LDLRAD4: variants seen among roughly 807,000 people sequenced by gnomAD.
LDLRAD4 encodes low density lipoprotein receptor class A domain containing 4.
LDLRAD4 carries 5 observed loss-of-function variants against 17.0 expected under a neutral mutation model. The ratio of observed to expected loss-of-function variants is 0.29; its 90% CI spans 0.15 to 0.62. The LOEUF is 0.62. Ranked by LOEUF, LDLRAD4 falls within the 20% of genes least tolerant of loss-of-function variation. LDLRAD4 has a pLI of 0.84. For synonymous variants in LDLRAD4, 168 were observed against 171.8 expected (o/e 0.98, Z 0.17); for missense variants, 340 against 424.7 (o/e 0.80, Z 1.75).
intron 1 of LDLRAD4, among the ~76,000 whole-genome samples, chr18:13,283,268 C>T (rs546455033): frequency 6.0e-4 from 91 of 152,312 alleles, no homozygotes; most frequent in Non-Finnish European, 1.1e-3. Context: ...TGAATTTCTC[C>T]TCAGAAAATG....
At chr18:13,397,029 G>A in intron 2 of LDLRAD4, among the ~76,000 whole-genome samples, 1 of 152,234 alleles carries the variant, frequency 6.6e-6, no homozygotes, top group East Asian at 1.9e-4. Flanking sequence ...AAGGAGATGG[G>A]GGTGTGCCCA....
At chr18:13,639,927 C>G (rs2042382318) in intron 4 of LDLRAD4, among the ~76,000 whole-genome samples, 1 of 152,080 alleles carries the variant, frequency 6.6e-6, no homozygotes, top group African/African-American at 2.4e-5. Flanking sequence ...ACAACTCTGG[C>G]CACATTATGG....
intron 1 of LDLRAD4, among the ~76,000 whole-genome samples, chr18:13,248,359 G>A (rs1181490936): frequency 2.6e-5 from 4 of 152,122 alleles, no homozygotes; most frequent in Non-Finnish European, 5.9e-5. Flanking sequence ...ACTTCCCCTC[G>A]GTGCCCAGGG....
intron 3 of LDLRAD4, among the ~76,000 whole-genome samples, chr18:13,570,909 C>T (rs1487933181): frequency 1.3e-5 from 2 of 152,188 alleles, no homozygotes; most frequent in African/African-American, 4.8e-5. Context: ...GCCTCAAACT[C>T]CTAGGCTCAA....
intron 3 of LDLRAD4, among the ~76,000 whole-genome samples, chr18:13,584,580 G>A (rs904403227): frequency 7.1e-4 from 108 of 152,280 alleles, no homozygotes; most frequent in African/African-American, 2.3e-3. Flanking sequence ...GGAATCATAG[G>A]ATGGCTCGGT....
chr18:13,611,590 C>T, intron 3 of LDLRAD4: 1 of 985,434 alleles, frequency 1.0e-6, no homozygotes, highest in African/African-American at 1.7e-5. Flanking sequence ...CCTCCTGAGA[C>T]ATGTCTCTGC....
At chr18:13,514,782 A>C (rs375528596) in intron 3 of LDLRAD4, 10 of 152,400 alleles carry the variant, frequency 6.6e-5, no homozygotes, top group African/African-American at 2.4e-4. Context: ...GCCCTGGTGA[A>C]ACCCAGGCTG....
At chr18:13,296,068 C>G (rs1295173341) in intron 1 of LDLRAD4, among the ~76,000 whole-genome samples, 1 of 152,246 alleles carries the variant, frequency 6.6e-6, no homozygotes, top group Non-Finnish European at 1.5e-5. Context: ...TTGCCTCTTC[C>G]GTCAAGGGCT....
intron 3 of LDLRAD4, among the ~76,000 whole-genome samples, chr18:13,462,516 C>CTG (rs1226300660): frequency 3.3e-5 from 5 of 152,312 alleles, no homozygotes; most frequent in Admixed American, 3.3e-4. Flanking sequence ...CTACATAGGG[C>CTG]TGTGAGACAG....
intron 3 of LDLRAD4, among the ~76,000 whole-genome samples, chr18:13,579,072 C>G (rs1190324237): frequency 1.3e-5 from 2 of 151,814 alleles, no homozygotes; most frequent in African/African-American, 4.8e-5. Flanking sequence ...TGCCTGTAGT[C>G]CCAGCTACTC....
At chr18:13,362,229 A>G (rs1166755922) in intron 1 of LDLRAD4, 5 of 152,156 alleles carry the variant, frequency 3.3e-5, no homozygotes, top group Non-Finnish European at 5.9e-5. Flanking sequence ...TTGGATGGCT[A>G]TTCTAGTCTG....
intron 3 of LDLRAD4, among the ~76,000 whole-genome samples, chr18:13,534,818 T>C (rs1312536620): frequency 6.6e-6 from 1 of 152,242 alleles, no homozygotes; most frequent in African/African-American, 2.4e-5. Flanking sequence ...AGTTGGCTCA[T>C]GTTCCTTGAT....
intron 1 of LDLRAD4, among the ~76,000 whole-genome samples, chr18:13,381,400 C>G (rs2085352575): frequency 6.6e-6 from 1 of 152,140 alleles, no homozygotes; most frequent in African/African-American, 2.4e-5. Flanking sequence ...TTTGCCCTCT[C>G]TCTCGGCCAG....
intron 3 of LDLRAD4, among the ~76,000 whole-genome samples, chr18:13,569,653 T>G (rs999068245): frequency 3.9e-5 from 6 of 152,140 alleles, no homozygotes; most frequent in African/African-American, 1.4e-4. Context: ...GGAGGCCAAG[T>G]TGGGCAGATC....
chr18:13,527,206 G>A (rs1335063404), intron 3 of LDLRAD4, among the ~76,000 whole-genome samples: 1 of 152,230 alleles, frequency 6.6e-6, no homozygotes, highest in Non-Finnish European at 1.5e-5. Flanking sequence ...TGAATTTAAT[G>A]GTGCTCAGAA....
chr18:13,284,232 G>T (rs528929407), intron 1 of LDLRAD4, among the ~76,000 whole-genome samples: 1 of 152,168 alleles, frequency 6.6e-6, no homozygotes, highest in African/African-American at 2.4e-5. Context: ...AAGTCCCGTG[G>T]TGGGAACACC....
At chr18:13,361,286 C>T (rs1031542890) in intron 1 of LDLRAD4, among the ~76,000 whole-genome samples, 1 of 152,140 alleles carries the variant, frequency 6.6e-6, no homozygotes, top group Non-Finnish European at 1.5e-5. Flanking sequence ...ACCTTGTTAG[C>T]CAGGATGGTC....
chr18:13,500,819 T>C (rs1165111913), intron 3 of LDLRAD4: 2 of 152,066 alleles, frequency 1.3e-5, no homozygotes, highest in African/African-American at 4.8e-5. Flanking sequence ...GCTGGGAGTT[T>C]GTGAGGCCAT....
chr18:13,531,962 T>C (rs1410521520), intron 3 of LDLRAD4, among the ~76,000 whole-genome samples: 1 of 152,104 alleles, frequency 6.6e-6, no homozygotes. Flanking sequence ...GTTTGTGCTG[T>C]GTGGAGTGTG....
Sources: allele counts gnomAD v4.1 joint callset (sites outside exome capture counted in the v4.1 genomes callset), GRCh38; gene constraint gnomAD v4.1.1; transcripts MANE v1.5; gene names NCBI Gene and HGNC (gene_info 2026-07-23, HGNC 2026-07-21).